Variants in SLC71A1 observed in about 807,000 individuals in gnomAD.
The protein encoded by SLC71A1 is hippocampus abundant gene transcript 1.
the SLC71A1 span, among the ~76,000 whole-genome samples, chr1:100,054,836 T>C: frequency 6.6e-6 from 1 of 152,224 alleles, no homozygotes; most frequent in Non-Finnish European, 1.5e-5. Context: ...TTCGAATTAC[T>C]TGTTATATTT....
chr1:100,059,155 T>TG, the SLC71A1 span, among the ~76,000 whole-genome samples: 3 of 131,512 alleles, frequency 2.3e-5, no homozygotes, highest in South Asian at 7.7e-4. Flanking sequence ...TTTTTTTTTT[T>TG]TTTTTTTTTT....
the SLC71A1 span, among the ~76,000 whole-genome samples, chr1:100,047,665 A>G: frequency 6.6e-6 from 1 of 152,178 alleles, no homozygotes; most frequent in South Asian, 2.1e-4. Context: ...CAGGTGATCC[A>G]CCCGCTTTGG....
At chr1:100,059,839 A>T in the SLC71A1 span, 1 of 1,538,672 alleles carries the variant, frequency 6.5e-7, no homozygotes, top group Admixed American at 2.0e-5. Context: ...TCATGCTCAT[A>T]GATGTGTGGT....
At chr1:100,074,890 C>G in the SLC71A1 span, among the ~76,000 whole-genome samples, 1 of 151,986 alleles carries the variant, frequency 6.6e-6, no homozygotes, top group South Asian at 2.1e-4. Context: ...AAAAAAAAAC[C>G]CAAAAGAAAA....
the SLC71A1 span, chr1:100,081,934 A>AT: frequency 8.6e-7 from 1 of 1,165,324 alleles, no homozygotes; most frequent in Non-Finnish European, 1.3e-6. Flanking sequence ...TAATACTAAA[A>AT]GGTATGTAGT....
At chr1:100,062,804 A>G in the SLC71A1 span, among the ~76,000 whole-genome samples, 1 of 151,698 alleles carries the variant, frequency 6.6e-6, no homozygotes, top group East Asian at 1.9e-4. Context: ...TGGCCTGTTC[A>G]GTGGCTCACA....
At chr1:100,051,098 C>CA in the SLC71A1 span, among the ~76,000 whole-genome samples, 7,134 of 127,162 alleles carry the variant, frequency 0.056, 209 homozygotes, top group African/African-American at 0.075. Flanking sequence ...AAAAAAAAAA[C>CA]AAAAAAAAAA....
the SLC71A1 span, chr1:100,083,361 A>AT: frequency 7.8e-3 from 1,179 of 151,008 alleles, 11 homozygotes; most frequent in Non-Finnish European, 9.8e-3. Flanking sequence ...TATTTTAATG[A>AT]TTTTTTTTTT....
At chr1:100,074,118 G>A in the SLC71A1 span, among the ~76,000 whole-genome samples, 1 of 152,150 alleles carries the variant, frequency 6.6e-6, no homozygotes, top group South Asian at 2.1e-4. Flanking sequence ...GTCTTTTAGG[G>A]CTTTGGGTCA....
At chr1:100,065,498 C>T in the SLC71A1 span, among the ~76,000 whole-genome samples, 2 of 147,630 alleles carry the variant, frequency 1.4e-5, no homozygotes, top group Non-Finnish European at 3.0e-5. Context: ...CTCCCCTCCC[C>T]TCCCCTTTCC....
At chr1:100,067,668 C>T in the SLC71A1 span, among the ~76,000 whole-genome samples, 1 of 152,014 alleles carries the variant, frequency 6.6e-6, no homozygotes, top group Admixed American at 6.6e-5. Context: ...ACAAAATTAG[C>T]TGGGCGTGGT....
chr1:100,058,732 G>C, the SLC71A1 span: 2 of 1,544,762 alleles, frequency 1.3e-6, no homozygotes, highest in Non-Finnish European at 1.8e-6. Flanking sequence ...AGTAAAGGTA[G>C]GATCAGTCAT....
At chr1:100,038,385 A>G in the SLC71A1 span, 1 of 1,269,722 alleles carries the variant, frequency 7.9e-7, no homozygotes, top group Non-Finnish European at 1.1e-6. Flanking sequence ...AGACCCCCAC[A>G]CTGCCGTCTC....
the SLC71A1 span, chr1:100,080,306 G>A: frequency 8.1e-5 from 43 of 527,616 alleles, 1 homozygote; most frequent in South Asian, 1.2e-3. Flanking sequence ...GTTTGCATAG[G>A]ACAGCTTACT....
the SLC71A1 span, among the ~76,000 whole-genome samples, chr1:100,071,312 AAAAAG>A: frequency 1.3e-4 from 19 of 146,226 alleles, no homozygotes; most frequent in East Asian, 4.2e-4. Flanking sequence ...AAAAAAAAAA[AAAAAG>A]AAAGAAAGCC....
chr1:100,060,612 G>A, the SLC71A1 span, among the ~76,000 whole-genome samples: 729 of 152,112 alleles, frequency 4.8e-3, 4 homozygotes, highest in African/African-American at 0.016. Flanking sequence ...TTGCTAAGAA[G>A]AGCACATCAC....
the SLC71A1 span, among the ~76,000 whole-genome samples, chr1:100,071,571 T>G: frequency 6.6e-6 from 1 of 152,214 alleles, no homozygotes; most frequent in Non-Finnish European, 1.5e-5. Context: ...AACCTGGGCA[T>G]GAGTATCTTT....
chr1:100,077,298 G>A, the SLC71A1 span: 1 of 1,220,240 alleles, frequency 8.2e-7, no homozygotes, highest in Non-Finnish European at 1.2e-6. Flanking sequence ...ATATTTTAAT[G>A]TTAATATTTT....
At chr1:100,082,753 A>G in the SLC71A1 span, 6 of 152,770 alleles carry the variant, frequency 3.9e-5, no homozygotes, top group Admixed American at 3.3e-4. Context: ...AAACTGTACT[A>G]AATCTGAATC....
Sources: gnomAD v4.1 joint callset for allele counts (sites outside exome capture counted in the v4.1 genomes callset) on GRCh38, gnomAD v4.1.1 for gene constraint, MANE v1.5 for transcripts, NCBI Gene and HGNC (gene_info 2026-07-23, HGNC 2026-07-21) for gene names.